The following CLSTN2 variants were observed in gnomAD, a reference collection of about 807,000 sequenced individuals.
CLSTN2 encodes calsyntenin 2.
A neutral mutation model predicts 101.2 loss-of-function variants in CLSTN2; 48 were observed. That is an observed-to-expected ratio of 0.47 (90% CI 0.38 to 0.60). The LOEUF (loss-of-function observed/expected upper bound fraction) is 0.60. CLSTN2 is among the 20% of genes least tolerant of loss of function. The pLI is 0.00. For synonymous variants in CLSTN2, 481 were observed against 463.6 expected (o/e 1.04, Z -0.48); for missense variants, 1,160 against 1,238.2 (o/e 0.94, Z 0.95).
chr3:140,565,921 GAA>G (rs1264443292), intron 16 of CLSTN2, 130 bp from the exon 17 acceptor site: 1 of 1,122,436 alleles, frequency 8.9e-7, no homozygotes, highest in African/African-American at 1.6e-5. Flanking sequence ...TCTCCAGGCT[GAA>G]GAGTTTTGCA....
chr3:140,540,811 A>C (rs925381513), intron 9 of CLSTN2, among the ~76,000 whole-genome samples: 1 of 152,216 alleles, frequency 6.6e-6, no homozygotes, highest in Non-Finnish European at 1.5e-5. Context: ...AGGTAGACAC[A>C]CTGGTTCAAA....
At chr3:140,247,499 C>A (rs1000054250) in intron 2 of CLSTN2, among the ~76,000 whole-genome samples, 11 of 152,200 alleles carry the variant, frequency 7.2e-5, no homozygotes, top group African/African-American at 1.9e-4. Context: ...TTATCAATGT[C>A]AAACTGGCAT....
intron 1 of CLSTN2, among the ~76,000 whole-genome samples, chr3:139,973,265 G>A (rs1253276735): frequency 6.6e-6 from 1 of 152,222 alleles, no homozygotes; most frequent in African/African-American, 2.4e-5. Context: ...TGGCTGCCTT[G>A]GATTCAAGGG....
At chr3:140,175,016 C>A (rs1193733117) in intron 1 of CLSTN2, among the ~76,000 whole-genome samples, 2 of 152,180 alleles carry the variant, frequency 1.3e-5, no homozygotes, top group Non-Finnish European at 2.9e-5. Flanking sequence ...TGGGGCTGCA[C>A]AACTCTATTT....
chr3:140,169,974 G>A (rs1331270288), intron 1 of CLSTN2, among the ~76,000 whole-genome samples: 1 of 152,058 alleles, frequency 6.6e-6, no homozygotes, highest in Non-Finnish European at 1.5e-5. Context: ...GAGTAATGAT[G>A]GGATGATTTA....
intron 1 of CLSTN2, among the ~76,000 whole-genome samples, chr3:140,053,066 C>A (rs2008028294): frequency 6.6e-6 from 1 of 152,112 alleles, no homozygotes; most frequent in African/African-American, 2.4e-5. Context: ...GCAGTCAGGC[C>A]TCCCATGCAT....
At chr3:140,409,177 A>G (rs2088336652) in intron 4 of CLSTN2, among the ~76,000 whole-genome samples, 1 of 152,240 alleles carries the variant, frequency 6.6e-6, no homozygotes. Flanking sequence ...ATAGTCATGC[A>G]TGTACATGCC....
intron 8 of CLSTN2, among the ~76,000 whole-genome samples, chr3:140,493,477 T>A (rs541946254): frequency 6.6e-6 from 1 of 152,342 alleles, no homozygotes; most frequent in East Asian, 1.9e-4. Context: ...CTAAGGGCAA[T>A]GTGACAAGTT....
chr3:140,291,339 C>A (rs1051731999), intron 2 of CLSTN2, among the ~76,000 whole-genome samples: 4 of 151,908 alleles, frequency 2.6e-5, no homozygotes, highest in African/African-American at 9.7e-5. Flanking sequence ...CTGAAACTGC[C>A]TTTGTCAAGG....
intron 1 of CLSTN2, among the ~76,000 whole-genome samples, chr3:140,119,765 T>G (rs147066729): frequency 6.6e-5 from 10 of 152,268 alleles, no homozygotes; most frequent in African/African-American, 1.2e-4. Flanking sequence ...CCTCCCCAAG[T>G]GCTGGGATTA....
At chr3:140,389,350 C>T (rs138825659) in intron 2 of CLSTN2, among the ~76,000 whole-genome samples, 159 of 152,304 alleles carry the variant, frequency 1.0e-3, no homozygotes, top group African/African-American at 3.6e-3. Flanking sequence ...CATGTGTTCT[C>T]ATTGTTCAGC....
At chr3:140,309,210 A>G (rs2087141532) in intron 2 of CLSTN2, among the ~76,000 whole-genome samples, 1 of 152,152 alleles carries the variant, frequency 6.6e-6, no homozygotes, top group Admixed American at 6.5e-5. Flanking sequence ...TCCTGGGAAC[A>G]TGTCACTGGG....
At chr3:140,096,243 C>G (rs562415191) in intron 1 of CLSTN2, among the ~76,000 whole-genome samples, 2 of 152,304 alleles carry the variant, frequency 1.3e-5, no homozygotes, top group Admixed American at 1.3e-4. Flanking sequence ...GAGGGCATAA[C>G]TAATACTGCT....
At chr3:140,503,542 C>T (rs1039886314) in intron 8 of CLSTN2, among the ~76,000 whole-genome samples, 3 of 151,822 alleles carry the variant, frequency 2.0e-5, no homozygotes, top group Admixed American at 1.3e-4. Context: ...AAGAAATAAC[C>T]GAAGGACGCA....
intron 1 of CLSTN2, among the ~76,000 whole-genome samples, chr3:139,993,424 A>G (rs1936150006): frequency 6.6e-6 from 1 of 152,022 alleles, no homozygotes; most frequent in Non-Finnish European, 1.5e-5. Flanking sequence ...CCTAATACGT[A>G]CTGCTTCCTC....
At chr3:140,161,086 CAGTT>C (rs1408210781) in intron 1 of CLSTN2, among the ~76,000 whole-genome samples, 1 of 152,072 alleles carries the variant, frequency 6.6e-6, no homozygotes, top group Non-Finnish European at 1.5e-5. Flanking sequence ...GCAAAGGTCT[CAGTT>C]AGCAATTTTG....
intron 2 of CLSTN2, among the ~76,000 whole-genome samples, chr3:140,268,411 T>A (rs1043433752): frequency 3.3e-5 from 5 of 152,182 alleles, no homozygotes; most frequent in Non-Finnish European, 7.3e-5. Flanking sequence ...TTCAGGAAGA[T>A]CTGTAGCAGG....
At chr3:140,370,710 C>A (rs547049268) in intron 2 of CLSTN2, among the ~76,000 whole-genome samples, 84 of 152,276 alleles carry the variant, frequency 5.5e-4, no homozygotes, top group Non-Finnish European at 9.3e-4. Flanking sequence ...AAAAGAGAAC[C>A]ATTGGGCCTG....
chr3:140,258,243 G>A (rs886238124), intron 2 of CLSTN2, among the ~76,000 whole-genome samples: 1 of 152,018 alleles, frequency 6.6e-6, no homozygotes, highest in African/African-American at 2.4e-5. Context: ...AGCCCTTTGT[G>A]GAAACTTCCA....
Sources: gnomAD v4.1 joint callset for allele counts (sites outside exome capture counted in the v4.1 genomes callset) on GRCh38, gnomAD v4.1.1 for gene constraint, MANE v1.5 for transcripts, NCBI Gene and HGNC (gene_info 2026-07-23, HGNC 2026-07-21) for gene names.